Variants in WDFY4 observed in about 807,000 individuals in gnomAD.
WDFY4 encodes WDFY family member 4.
A neutral mutation model predicts 351.9 loss-of-function variants in WDFY4; 169 were observed. The ratio of observed to expected loss-of-function variants is 0.48; its 90% CI spans 0.42 to 0.55. The LOEUF (loss-of-function observed/expected upper bound fraction) is 0.55. Ranked by LOEUF, WDFY4 falls within the 20% of genes least tolerant of loss-of-function variation. The probability of loss-of-function intolerance (pLI) is 0.00; values close to 1 mark genes in which losing one functional copy is unlikely to be tolerated. For synonymous variants in WDFY4, 1,622 were observed against 1,574.6 expected (o/e 1.03, Z -0.71); for missense variants, 3,803 against 3,935.6 (o/e 0.97, Z 0.90).
Position 48,760,386 on chromosome 10 carries a change from C to A in WDFY4, c.2499C>A (p.Val833=). ...EGDAAIMHPG[V]VCIMVRLLPR... ...ATGCTGCAATCATGCATCCCGGGGT[C>A]GTGTGCATCATGGTGAGGCTGCTGC... Residue 833 remains valine, a synonymous_variant, in exon 13 of 62, where the codon GTC becomes GTA. Transcript: ENST00000325239. 6.4e-7 allele frequency: 1 copy of A among 1,551,606 alleles called. No homozygotes were observed. The highest frequency in any genetic ancestry group is 8.7e-7 in the Non-Finnish European group (1 of 1,146,988).
At chr10:48,716,762 T>C (rs896925395) in intron 2 of WDFY4, among the ~76,000 whole-genome samples, 2 of 152,232 alleles carry the variant, frequency 1.3e-5, no homozygotes, top group Non-Finnish European at 1.5e-5. Flanking sequence ...TAGATGCTTC[T>C]GAGTCAAATG....
chr10:48,687,129 T>A (rs887319686), intron 1 of WDFY4, among the ~76,000 whole-genome samples: 1 of 152,238 alleles, frequency 6.6e-6, no homozygotes, highest in African/African-American at 2.4e-5. Context: ...GTTGGACATC[T>A]TTTTCATATG....
Position 48,762,796 on chromosome 10 carries a change from C to T in WDFY4, c.2553+2356C>T, listed in dbSNP as rs1257953659. On this transcript the variant is annotated intron_variant, in intron 13 of 61. Transcript: ENST00000325239. ...AGCAGGGCACACAGTGGCTCCGGGC[C>T]CCCACAGGCACAAAAGCAGAAGCTG... 2.6e-5 allele frequency among the ~76,000 whole-genome samples: 4 copies of T among 152,220 alleles called. No individual in the cohort carries two copies. The East Asian group carries it at 7.7e-4, about 29-fold the overall frequency.
intron 52 of WDFY4, among the ~76,000 whole-genome samples, chr10:48,958,704 T>C (rs1564529724): frequency 6.6e-6 from 1 of 152,052 alleles, no homozygotes; most frequent in African/African-American, 2.4e-5. Context: ...GAAGAGAAAA[T>C]ATAGACAATT....
In WDFY4 at chr10:48,788,517, T is replaced by C. The variant is rs1271315317; in HGVS notation, c.3809-13T>C. 2 of 1,550,646 alleles carry C rather than the reference T, an allele frequency of 1.3e-6. No individual in the cohort carries two copies. Among genetic ancestry groups the C allele is most frequent in the Non-Finnish European group, 1.7e-6 (2 of 1,146,292 alleles). Reference sequence around the variant, plus strand: ...AAGTTAGACTAGAAATGTTTAAAGATGTGTTGTTACAGGGGAGGACCTGGA... The same window carrying C: ...AAGTTAGACTAGAAATGTTTAAAGACGTGTTGTTACAGGGGAGGACCTGGA... On this transcript the variant is annotated splice_polypyrimidine_tract_variant and intron_variant, in intron 20 of 61. Coordinates refer to ENST00000325239, the MANE Select transcript of WDFY4 (RefSeq NM_001394531.1).
In WDFY4 at chr10:48,803,283, C is replaced by T; in HGVS notation, c.4411-3C>T. ...TTAGCATGTGTTTTGTTTTGTCTTC[C>T]AGCTCTGGATGAATACTGCAGACAA... On this transcript the variant is annotated splice_polypyrimidine_tract_variant and splice_region_variant and intron_variant, in intron 24 of 61. Transcript: ENST00000325239. 1 of 1,551,688 alleles carries T rather than the reference C, an allele frequency of 6.4e-7. No homozygotes were observed. Among genetic ancestry groups the T allele is most frequent in the Non-Finnish European group, 8.7e-7 (1 of 1,146,966 alleles).
At chr10:48,868,394 T>C (rs932056109) in intron 40 of WDFY4, among the ~76,000 whole-genome samples, 1 of 152,102 alleles carries the variant, frequency 6.6e-6, no homozygotes, top group Non-Finnish European at 1.5e-5. Context: ...CATGTCTAGT[T>C]TTTCTGAGTG....
chr10:48,713,047 C>T (rs1478753692), intron 2 of WDFY4, among the ~76,000 whole-genome samples: 1 of 152,156 alleles, frequency 6.6e-6, no homozygotes, highest in African/African-American at 2.4e-5. Flanking sequence ...ATTCTTTGTT[C>T]CAAAGCAATG....
intron 1 of WDFY4, among the ~76,000 whole-genome samples, chr10:48,702,694 A>G (rs1034776708): frequency 2.6e-5 from 4 of 152,220 alleles, no homozygotes; most frequent in Non-Finnish European, 4.4e-5. Flanking sequence ...CAGAGCTTCT[A>G]GAAACATTCA....
At chr10:48,833,274 G>A (rs922247114) in intron 39 of WDFY4, among the ~76,000 whole-genome samples, 1 of 151,800 alleles carries the variant, frequency 6.6e-6, no homozygotes, top group Non-Finnish European at 1.5e-5. Flanking sequence ...AGTGTCTGGG[G>A]CCTCAGTTGG....
chr10:48,795,487 G>A (rs565420948), intron 23 of WDFY4, among the ~76,000 whole-genome samples: 25 of 102,454 alleles, frequency 2.4e-4, no homozygotes, highest in Non-Finnish European at 4.2e-4. Flanking sequence ...ATATGTGTGT[G>A]TCTGTATATA....
chr10:48,790,017 TG>T (rs1193386308), intron 22 of WDFY4, 32 bp downstream of exon 22: 1 of 1,547,150 alleles, frequency 6.5e-7, no homozygotes, highest in South Asian at 1.2e-5. Flanking sequence ...TGCCGCTATT[TG>T]GGAAGCAGGG....
At chr10:48,732,329 C>T (rs1461629821) in intron 9 of WDFY4, among the ~76,000 whole-genome samples, 5 of 152,178 alleles carry the variant, frequency 3.3e-5, no homozygotes, top group Admixed American at 3.3e-4. Context: ...TGGTCTTTCC[C>T]TCAGTCTGTC....
chr10:48,802,850 A>T, intron 24 of WDFY4: 1 of 478,464 alleles, frequency 2.1e-6, no homozygotes. Flanking sequence ...CTGTCCTGCC[A>T]CTTGCTGGTG....
At chr10:48,848,576 G>T (rs181448441) in intron 39 of WDFY4, among the ~76,000 whole-genome samples, 10 of 152,312 alleles carry the variant, frequency 6.6e-5, no homozygotes, top group African/African-American at 2.4e-4. Flanking sequence ...CTGGGCAGGG[G>T]GTGACCAGCT....
At chr10:48,895,383 C>T (rs1411432333) in intron 44 of WDFY4, among the ~76,000 whole-genome samples, 1 of 152,204 alleles carries the variant, frequency 6.6e-6, no homozygotes, top group Non-Finnish European at 1.5e-5. Flanking sequence ...CTCACCCACT[C>T]CCTGTCACCT....
At chr10:48,911,514 ATAACT>A (rs1419595126) in intron 47 of WDFY4, among the ~76,000 whole-genome samples, 1 of 152,244 alleles carries the variant, frequency 6.6e-6, no homozygotes, top group Admixed American at 6.5e-5. Flanking sequence ...AAAACTGAAA[ATAACT>A]TAAAGGTACA....
chr10:48,813,028 C>T (rs144039413), intron 30 of WDFY4, among the ~76,000 whole-genome samples: 2 of 152,296 alleles, frequency 1.3e-5, no homozygotes, highest in Non-Finnish European at 2.9e-5. Context: ...GTAGTTTACC[C>T]TATATGGATG....
intron 13 of WDFY4, among the ~76,000 whole-genome samples, chr10:48,762,782 C>T (rs1255160198): frequency 6.6e-6 from 1 of 152,246 alleles, no homozygotes; most frequent in Non-Finnish European, 1.5e-5. Flanking sequence ...GCAGGGCACA[C>T]AGTGGCTCCG....
Sources: gnomAD v4.1 joint callset for allele counts (sites outside exome capture counted in the v4.1 genomes callset) on GRCh38, gnomAD v4.1.1 for gene constraint, MANE v1.5 for transcripts, NCBI Gene and HGNC (gene_info 2026-07-23, HGNC 2026-07-21) for gene names.